Variants in MED13 observed in about 807,000 individuals in gnomAD.
The protein encoded by MED13 is mediator of RNA polymerase II transcription subunit 13.
Under a neutral mutation model 225.2 loss-of-function variants are expected in MED13, and 23 were observed. That is an observed-to-expected ratio of 0.10 (90% confidence interval 0.07 to 0.14). The LOEUF (loss-of-function observed/expected upper bound fraction) is 0.14. MED13 is among the 10% of genes least tolerant of loss of function. The pLI is 1.00. For synonymous variants in MED13, 942 were observed against 889.2 expected (o/e 1.06, Z -1.06); for missense variants, 2,197 against 2,594.5 (o/e 0.85, Z 3.33).
chr17:61,985,016 G>C lies in MED13; in HGVS notation c.2460C>G (p.Asp820Glu). 1 of 1,613,812 alleles carries C rather than the reference G, an allele frequency of 6.2e-7. No homozygotes were observed. Among genetic ancestry groups the C allele is most frequent in the South Asian group, 1.1e-5 (1 of 91,032 alleles). ...SCKESKTGNL[D>E]PLSCISTADL... ...GAAGCTTACTTATGCAAGATAACGG[G>C]TCCAGATTTCCTGTCTTTGATTCCT... Residue 820 changes from aspartate to glutamate, a missense_variant, in exon 13 of 30, where the codon GAC (aspartate) becomes GAG (glutamate). By Grantham distance (45) the Asp-to-Glu change is conservative. This residue lies in a region of MED13 where 41 missense variants were observed against 55.8 expected (regional missense o/e 0.73). Transcript: ENST00000397786.
chr17:61,988,148 A>C (rs1201224437), intron 11 of MED13, among the ~76,000 whole-genome samples: 1 of 152,174 alleles, frequency 6.6e-6, no homozygotes, highest in South Asian at 2.1e-4. Flanking sequence ...CACCACTAAC[A>C]GTATGACCCT....
rs2080337191 is a variant in MED13 at position 61,995,207 on chromosome 17, A to G, written c.2126T>C (p.Phe709Ser). 6.2e-7 allele frequency: 1 copy of G among 1,613,766 alleles called. No homozygotes were observed. The highest frequency in any genetic ancestry group is 8.5e-7 in the Non-Finnish European group (1 of 1,179,912). The change falls in exon 10 of 30, where the codon TTT becomes TCT. Residue 709 changes from phenylalanine to serine, a missense_variant. Transcript: ENST00000397786. ...AFVEGDEEFLFPDKKDRQNSE... is the reference protein window; with the variant it reads ...AFVEGDEEFLSPDKKDRQNSE... Reference sequence around the variant, plus strand: ...ATTTTGTCTATCTTTTTTATCAGGAAAAAGGAATTCCTCATCTCCTTCAAC... The same window carrying G: ...ATTTTGTCTATCTTTTTTATCAGGAGAAAGGAATTCCTCATCTCCTTCAAC...
chr17:62,033,542 G>T (rs570538650), intron 5 of MED13, among the ~76,000 whole-genome samples: 8 of 152,196 alleles, frequency 5.3e-5, no homozygotes, highest in Non-Finnish European at 1.2e-4. Context: ...TTATTCTTCT[G>T]TTCTCATAAG....
At chr17:61,976,003 C>T (rs977630745) in intron 16 of MED13, among the ~76,000 whole-genome samples, 1 of 151,586 alleles carries the variant, frequency 6.6e-6, no homozygotes, top group Non-Finnish European at 1.5e-5. Flanking sequence ...GCAACAAGAG[C>T]GAGACTCCGT....
intron 22 of MED13, among the ~76,000 whole-genome samples, chr17:61,961,306 T>A (rs944822823): frequency 6.6e-6 from 1 of 151,870 alleles, no homozygotes; most frequent in Non-Finnish European, 1.5e-5. Context: ...AGGTGGGCGA[T>A]CACCTGAGGT....
intron 3 of MED13, among the ~76,000 whole-genome samples, chr17:62,050,146 G>T (rs1421263438): frequency 1.3e-5 from 2 of 151,870 alleles, no homozygotes; most frequent in Non-Finnish European, 2.9e-5. Flanking sequence ...ATCACTTGAG[G>T]TCAAGAGTTC....
intron 9 of MED13, chr17:62,004,298 T>C (rs1234380858): frequency 6.6e-6 from 1 of 152,154 alleles, no homozygotes; most frequent in Non-Finnish European, 1.5e-5. Flanking sequence ...TACATTCTAA[T>C]AGGGAAAAGA....
chr17:61,995,001 G>A (rs529911079), intron 10 of MED13, 151 bp downstream of exon 10: 12 of 636,590 alleles, frequency 1.9e-5, no homozygotes, highest in East Asian at 5.9e-5. Context: ...ATGAGCCACC[G>A]CAGCCGGGCA....
In MED13 at chr17:62,063,369, T is replaced by G. The variant is rs144734281; in HGVS notation, c.67-68A>C. The G allele has an allele frequency of 4.7e-4, 464 of 980,632 alleles. 3 individuals are homozygous for G. The African/African-American group carries it at 6.7e-3, about 14-fold the overall frequency. 60.7% of individuals were successfully genotyped at this position (980,632 alleles called of 1,614,324 possible). A position where few individuals can be genotyped will look rare whatever the true frequency, so the allele number is the denominator to read the frequency against. On this transcript the variant is annotated intron_variant, in intron 1 of 29. Coordinates refer to ENST00000397786, the MANE Select transcript of MED13 (RefSeq NM_005121.3). The stretch of plus-strand genomic sequence containing the variant: ...TCAAAGTCAAAAGTACTCAATATGA[T>G]GTCTCTTATTTCATTAAGACATTAC...
At chr17:62,038,517 C>T (rs1025914302) in intron 3 of MED13, among the ~76,000 whole-genome samples, 3 of 151,458 alleles carry the variant, frequency 2.0e-5, no homozygotes, top group Non-Finnish European at 4.4e-5. Flanking sequence ...AATCTATTTT[C>T]CTGAAAATAT....
At chr17:62,015,907 A>AT in intron 8 of MED13, among the ~76,000 whole-genome samples, 1 of 57,302 alleles carries the variant, frequency 1.7e-5, no homozygotes, top group African/African-American at 5.7e-5. Context: ...ACACATACAC[A>AT]CTATACACAT....
Position 62,031,514 on chromosome 17 carries a change from A to G in MED13, c.939T>C (p.Ala313=). 1 of 1,614,044 alleles carries G rather than the reference A, an allele frequency of 6.2e-7. No homozygotes were observed. The highest frequency in any genetic ancestry group is 1.6e-4 in the Middle Eastern group (1 of 6,062). Residue 313 remains alanine, a synonymous_variant, in exon 6 of 30, where the codon GCT becomes GCC. Transcript: ENST00000397786. ...AAGACATAGCAGGATCTCTTGTGGA[A>G]GCAGGCACTTGGTGGACACCCAAGC... The part of the protein sequence containing the change: ...SSCLGVHQVP[A]STRDPAMSSV...
chr17:61,993,039 A>G (rs141851972), intron 10 of MED13, among the ~76,000 whole-genome samples: 1,890 of 152,228 alleles, frequency 0.012, 41 homozygotes, highest in African/African-American at 0.041. Context: ...TGCTGGGATT[A>G]TAAGTATGAG....
At chr17:61,955,045 T>C (rs560471497) in intron 26 of MED13, among the ~76,000 whole-genome samples, 4 of 152,318 alleles carry the variant, frequency 2.6e-5, no homozygotes, top group East Asian at 1.9e-4. Context: ...TCTAGAACTA[T>C]ATTCTTTGGC....
intron 6 of MED13, chr17:62,030,459 GCA>G (rs1178359541): frequency 2.6e-5 from 4 of 152,910 alleles, no homozygotes; most frequent in South Asian, 2.1e-4. Context: ...TGGAGCTGCT[GCA>G]CAGAGCCTGG....
chr17:61,992,454 G>T, intron 11 of MED13, 86 bp downstream of exon 11: 1 of 764,238 alleles, frequency 1.3e-6, no homozygotes, highest in East Asian at 2.6e-5. Flanking sequence ...TATACAAAAA[G>T]GAACATTAGA....
intron 19 of MED13, 101 bp from the exon 20 acceptor site, chr17:61,965,569 C>T (rs2080050684): frequency 1.6e-6 from 2 of 1,237,984 alleles, no homozygotes. Flanking sequence ...TTGATGTTTT[C>T]TTGGTAATTA....
intron 20 of MED13, among the ~76,000 whole-genome samples, chr17:61,963,354 A>T (rs1218849676): frequency 6.6e-6 from 1 of 152,082 alleles, no homozygotes; most frequent in African/African-American, 2.4e-5. Flanking sequence ...TATCTCAAAT[A>T]GCTTACCAAA....
chr17:61,975,481 G>T (rs1383109419), intron 16 of MED13, among the ~76,000 whole-genome samples: 3 of 152,194 alleles, frequency 2.0e-5, no homozygotes, highest in African/African-American at 4.8e-5. Context: ...TGTGACAAGT[G>T]TAAGTGAAAC....
Sources: gnomAD v4.1 joint callset for allele counts (sites outside exome capture counted in the v4.1 genomes callset) on GRCh38, gnomAD v4.1.1 for gene constraint, gnomAD v4.1.1 regional missense constraint, MANE v1.5 for transcripts, NCBI Gene and HGNC (gene_info 2026-07-23, HGNC 2026-07-21) for gene names.